DAZAP1: variants seen among roughly 807,000 people sequenced by gnomAD.
The protein encoded by DAZAP1 is DAZ associated protein 1.
A neutral mutation model predicts 60.1 loss-of-function variants in DAZAP1; 6 were observed. The ratio of observed to expected loss-of-function variants is 0.10; its 90% CI spans 0.05 to 0.20. The LOEUF (loss-of-function observed/expected upper bound fraction) is 0.20, where lower values mean the gene tolerates loss of function less well. Among genes scored for constraint, DAZAP1 ranks in the 10% least tolerant of loss-of-function variants. DAZAP1 has a pLI of 1.00. For synonymous variants in DAZAP1, 235 were observed against 215.9 expected, an observed-to-expected ratio of 1.09 and a Z score of -0.78; for missense variants, 366 against 560.4, an observed-to-expected ratio of 0.65 and a Z score of 3.50.
chr19:1,421,282 G>A, intron 5 of DAZAP1, 24 bp downstream of exon 5: 1 of 1,596,508 alleles, frequency 6.3e-7, no homozygotes, highest in Non-Finnish European at 8.6e-7. Flanking sequence ...CACCCCGGCA[G>A]CACTGTGGGG....
In DAZAP1 at chr19:1,434,712, G is replaced by A. The variant is rs373597792; in HGVS notation, c.1049-25G>A. 5.8e-5 allele frequency: 93 copies of A among 1,608,006 alleles called. No homozygotes were observed. Among genetic ancestry groups the A allele is most frequent in the Non-Finnish European group, 7.2e-5 (85 of 1,177,828 alleles). On this transcript the variant is annotated intron_variant, in intron 11 of 11. Coordinates refer to ENST00000233078, the MANE Select transcript of DAZAP1 (RefSeq NM_018959.4). This position sits in a 1 kb window ranked among gnomAD's most constrained non-coding sequence, Gnocchi z 8.0. ...GTGCCAACCGCCCAGGGACCGCCCC[G>A]AGCTCACAGGACTTTCTCCCCCAGC...
At chr19:1,427,945 T>G (rs1031538988) in intron 7 of DAZAP1, 1 of 152,218 alleles carries the variant, frequency 6.6e-6, no homozygotes, top group Admixed American at 6.5e-5. Flanking sequence ...TGAGACAAAT[T>G]CAGGATTCTC....
At chr19:1,414,608 C>A (rs546944756) in intron 1 of DAZAP1, among the ~76,000 whole-genome samples, 108 of 151,748 alleles carry the variant, frequency 7.1e-4, no homozygotes, top group Non-Finnish European at 1.3e-3. Context: ...AGCTGGCGGG[C>A]GCCTGTAGTC....
Position 1,420,069 on chromosome 19 carries a change from TC to T in DAZAP1, c.304-1076del, listed in dbSNP as rs1274851350. Among the ~76,000 whole-genome samples, 82 of 82,506 alleles carry T rather than the reference TC, an allele frequency of 9.9e-4. 1 individual carries two copies. Among genetic ancestry groups the T allele is most frequent in the East Asian group, 8.3e-3 (18 of 2,160 alleles). 54.1% of individuals were successfully genotyped at this position (82,506 alleles called of 152,430 possible). A position where few individuals can be genotyped will look rare whatever the true frequency, so the allele number is the denominator to read the frequency against. On this transcript the variant is annotated intron_variant, in intron 4 of 11. Coordinates refer to ENST00000233078, the MANE Select transcript of DAZAP1 (RefSeq NM_018959.4). ...CCCCACGCGCACACTCATGAAACCA[TC>T]CCTACAGTCACGGCAGCGAGCACTC...
intron 1 of DAZAP1, chr19:1,409,700 A>T (rs1439921539): frequency 6.6e-6 from 1 of 152,342 alleles, no homozygotes; most frequent in African/African-American, 2.4e-5. Flanking sequence ...TGTGCGTGAA[A>T]TGCTTGTGAC....
chr19:1,425,801 C>G lies in DAZAP1; in HGVS notation c.464-77C>G. On this transcript the variant is annotated intron_variant, in intron 6 of 11. Transcript: ENST00000233078. The surrounding 1 kb of genome is among the most constrained non-coding windows in gnomAD (Gnocchi z 5.4). ...GAAACCCAAGGTCGATCCCTCGGCC[C>G]GTCCCTAATACTGTTCATCATCCTG... 9.6e-7 allele frequency: 1 copy of G among 1,040,148 alleles called. No homozygotes were observed. Among genetic ancestry groups the G allele is most frequent in the South Asian group, 1.3e-5 (1 of 79,260 alleles). The allele number at this position is 1,040,148 out of a possible 1,614,324, so 64.4% of individuals were successfully genotyped here.
chr19:1,433,929 C>A lies in DAZAP1; in HGVS notation c.1049-808C>A. On this transcript the variant is annotated intron_variant, in intron 11 of 11. Transcript: ENST00000233078. This position sits in a 1 kb window ranked among gnomAD's most constrained non-coding sequence, Gnocchi z 6.1. ...GGGCGGGGGTGGACGCTGGCGGTGCCCTCTGGGAAGGGGCCCTTGCCGGTG... is the reference window on the plus strand; with the variant it reads ...GGGCGGGGGTGGACGCTGGCGGTGCACTCTGGGAAGGGGCCCTTGCCGGTG... The A allele has an allele frequency of 1.2e-5, 13 of 1,082,792 alleles. No individual in the cohort carries two copies. The South Asian group carries it at 1.7e-4, about 14-fold the overall frequency. 67.1% of individuals were successfully genotyped at this position (1,082,792 alleles called of 1,614,324 possible). A position where few individuals can be genotyped will look rare whatever the true frequency, so the allele number is the denominator to read the frequency against.
Position 1,428,706 on chromosome 19 carries a change from T to A in DAZAP1, c.547-136T>A. On this transcript the variant is annotated intron_variant, in intron 7 of 11. Transcript: ENST00000233078. This position sits in a 1 kb window ranked among gnomAD's most constrained non-coding sequence, Gnocchi z 4.0. ...AAGAAAAAAATGCTACTGGCCTAAA[T>A]AAGGTTTATAGTTAAGTATTTAGTC... 3.7e-6 allele frequency: 4 copies of A among 1,075,972 alleles called. No individual in the cohort carries two copies. The highest frequency in any genetic ancestry group is 5.3e-6 in the Non-Finnish European group (4 of 753,384). The allele number at this position is 1,075,972 out of a possible 1,614,324, so 66.7% of individuals were successfully genotyped here. A position where few individuals can be genotyped will look rare whatever the true frequency, so the allele number is the denominator to read the frequency against.
At chr19:1,419,663 TCTCTCTAG>T (rs2083089273) in intron 4 of DAZAP1, among the ~76,000 whole-genome samples, 1 of 152,168 alleles carries the variant, frequency 6.6e-6, no homozygotes, top group Non-Finnish European at 1.5e-5. Flanking sequence ...GTTATTAATG[TCTCTCTAG>T]CTTTTCTTAA....
At chr19:1,424,502 C>G (rs2083256972) in intron 6 of DAZAP1, among the ~76,000 whole-genome samples, 3 of 151,740 alleles carry the variant, frequency 2.0e-5, no homozygotes, top group South Asian at 4.2e-4. Flanking sequence ...TGCCCCGTTT[C>G]CATCTTTCCC....
At chr19:1,417,337 G>A in intron 1 of DAZAP1, 163 bp from the exon 2 acceptor site, 1 of 764,600 alleles carries the variant, frequency 1.3e-6, no homozygotes. Context: ...GCATGGGCGA[G>A]GCTGACTCGC....
rs754279474 is a variant in DAZAP1 at position 1,428,938 on chromosome 19, G to A, written c.643G>A (p.Ala215Thr). Residue 215 changes from alanine (A) to threonine (T), a missense_variant, in exon 8 of 12, where the codon GCC (alanine) becomes ACC (threonine). By Grantham distance (58) the Ala-to-Thr change is moderately conservative (BLOSUM62 0). Transcript: ENST00000233078. The surrounding 1 kb of genome is among the most constrained non-coding windows in gnomAD (Gnocchi z 4.0). ...GGGGAGCCGGGTTGTGCCCAACGCT[G>A]CCAATGGCTGGGCAGGCCAGCCCCC... is the stretch of plus-strand genomic sequence containing the variant. The part of the protein sequence containing the change: ...QWGSRVVPNA[A>T]NGWAGQPPPT... The A allele has an allele frequency of 1.9e-6, 3 of 1,612,140 alleles. No homozygotes were observed. The highest frequency in any genetic ancestry group is 1.7e-4 in the Middle Eastern group (1 of 6,038).
At chr19:1,417,653 G>C in intron 2 of DAZAP1, 113 bp downstream of exon 2, 1 of 1,022,858 alleles carries the variant, frequency 9.8e-7, no homozygotes, top group Non-Finnish European at 1.4e-6. Flanking sequence ...AAGTCCTTTT[G>C]ACGTTGTTCT....
At chr19:1,408,474 G>A (rs2082729021) in intron 1 of DAZAP1, among the ~76,000 whole-genome samples, 1 of 152,224 alleles carries the variant, frequency 6.6e-6, no homozygotes, top group African/African-American at 2.4e-5. Context: ...CGAGGCGAGG[G>A]TTCCGGTTCT....
intron 1 of DAZAP1, among the ~76,000 whole-genome samples, chr19:1,413,033 C>T (rs2082873406): frequency 6.6e-6 from 1 of 152,210 alleles, no homozygotes; most frequent in Non-Finnish European, 1.5e-5. Context: ...ATGACTCTCC[C>T]ACCCAGCGGG....
rs1021125616 is a variant in DAZAP1, at chr19:1,422,820, T to C, written c.463+424T>C. On this transcript the variant is annotated intron_variant, in intron 6 of 11. Coordinates refer to ENST00000233078, the MANE Select transcript of DAZAP1 (RefSeq NM_018959.4). The surrounding 1 kb of genome is among the most constrained non-coding windows in gnomAD (Gnocchi z 4.5). ...TTCCGTGATCCATCCCATGCTTTTT[T>C]TTTCTTTCTTTCTTTTTTCCTTTTC... 9.3e-5 allele frequency among the ~76,000 whole-genome samples: 14 copies of C among 150,948 alleles called. No individual in the cohort carries two copies. Among genetic ancestry groups the C allele is most frequent in the Non-Finnish European group, 1.3e-4 (9 of 68,006 alleles).
Position 1,432,464 on chromosome 19 carries a change from C to T in DAZAP1, c.872-50C>T, listed in dbSNP as rs772564041. ...TGGGTGTGGGTCTCCTGCTGGTCTG[C>T]CCCCAGCTGCACAACGTGTCTTGTG... On this transcript the variant is annotated intron_variant, in intron 10 of 11. Transcript: ENST00000233078. This position sits in a 1 kb window ranked among gnomAD's most constrained non-coding sequence, Gnocchi z 4.9. 4.4e-6 allele frequency: 7 copies of T among 1,595,392 alleles called. No individual in the cohort carries two copies. The highest frequency in any genetic ancestry group is 6.0e-6 in the Non-Finnish European group (7 of 1,165,454).
At position 1,432,209 on chromosome 19, in the gene DAZAP1, T is replaced by G. The variant is rs2144932936; in HGVS notation, c.872-305T>G. 32 of 451,138 alleles carry G rather than the reference T, an allele frequency of 7.1e-5. No homozygotes were observed. The highest frequency in any genetic ancestry group is 1.1e-4 in the Non-Finnish European group (27 of 250,596). 27.9% of individuals were successfully genotyped at this position (451,138 alleles called of 1,614,324 possible). On this transcript the variant is annotated intron_variant, in intron 10 of 11. Coordinates refer to ENST00000233078, the MANE Select transcript of DAZAP1 (RefSeq NM_018959.4). This position sits in a 1 kb window ranked among gnomAD's most constrained non-coding sequence, Gnocchi z 4.9. ...TCCTTCTGAAAGAGCAATTTTGCTG[T>G]GAGGTTACTTGCTCCTTGAGTTCTT...
rs569324038 is a variant in DAZAP1, at chr19:1,412,533, C to T, written c.29+4731C>T. Among the ~76,000 whole-genome samples the T allele has an allele frequency of 6.6e-5, 10 of 152,302 alleles. No individual in the cohort carries two copies. The East Asian group carries it at 1.2e-3, about 18-fold the overall frequency. On this transcript the variant is annotated intron_variant, in intron 1 of 11. Coordinates refer to ENST00000233078, the MANE Select transcript of DAZAP1 (RefSeq NM_018959.4). ...CCCGGCCCAGCAGGAAGGGAAAGGT[C>T]GCCTGCCAACTGCCCCCATTGAGGC...
Sources: gnomAD v4.1 joint callset for allele counts (sites outside exome capture counted in the v4.1 genomes callset) on GRCh38, gnomAD v4.1.1 for gene constraint, Gnocchi (gnomAD v3.1) non-coding constraint, MANE v1.5 for transcripts, NCBI Gene and HGNC (gene_info 2026-07-23, HGNC 2026-07-21) for gene names.